The following SLC35F2 variants were observed in gnomAD, a reference collection of about 807,000 sequenced individuals.
SLC35F2 encodes queuine/queuosine transporter SLC35F2.
SLC35F2 carries 25 observed loss-of-function variants against 38.1 expected under a neutral mutation model. The observed-to-expected ratio is 0.66, with a 90% CI of 0.48 to 0.92. The LOEUF (loss-of-function observed/expected upper bound fraction) is 0.92, where lower values mean the gene tolerates loss of function less well. Ranked by LOEUF, SLC35F2 falls within the 40% of genes least tolerant of loss-of-function variation. The probability of loss-of-function intolerance (pLI) is 0.00; values close to 1 mark genes in which losing one functional copy is unlikely to be tolerated. For missense variants in SLC35F2, 409 were observed against 452.9 expected (o/e 0.90, Z 0.88); for synonymous variants, 173 against 181.7 (o/e 0.95, Z 0.38).
At chr11:107,804,871 T>G (rs545486499) in intron 5 of SLC35F2, 101 bp from the exon 6 acceptor site, 19 of 1,191,840 alleles carry the variant, frequency 1.6e-5, no homozygotes, top group Admixed American at 2.5e-5. Context: ...AGGAATTACA[T>G]GGACATTTGA....
At chr11:107,795,952 G>A (rs1239413843) in intron 7 of SLC35F2, among the ~76,000 whole-genome samples, 2 of 152,126 alleles carry the variant, frequency 1.3e-5, no homozygotes, top group African/African-American at 4.8e-5. Flanking sequence ...TGGCCAAGAT[G>A]GTGAAACCTC....
intron 3 of SLC35F2, among the ~76,000 whole-genome samples, chr11:107,807,271 C>CAAAAAA (rs201964530): frequency 4.4e-4 from 31 of 70,874 alleles, no homozygotes; most frequent in South Asian, 6.1e-4. Flanking sequence ...CCTGTCTGTA[C>CAAAAAA]AAAAAAAAAA....
At chr11:107,844,962 C>T (rs1248471495) in intron 1 of SLC35F2, among the ~76,000 whole-genome samples, 3 of 138,232 alleles carry the variant, frequency 2.2e-5, no homozygotes, top group Non-Finnish European at 3.1e-5. Context: ...GGCAACAGAG[C>T]GAGACTCCAT....
Position 107,799,544 on chromosome 11 carries a change from T to A in SLC35F2, c.939+3457A>T, listed in dbSNP as rs1203046928. On this transcript the variant is annotated intron_variant, in intron 7 of 7. Transcript: ENST00000525815. ...GCTCTCAGAAAAAAATCTGCACCCA[T>A]CAGGATGACTTCTCTGATTCACTTT... Among the ~76,000 whole-genome samples the A allele has an allele frequency of 2.0e-5, 3 of 152,170 alleles. No homozygotes were observed. In the East Asian group the frequency reaches 5.8e-4, roughly 29 times the overall value.
At chr11:107,835,755 G>C (rs1859920908) in intron 1 of SLC35F2, among the ~76,000 whole-genome samples, 1 of 151,606 alleles carries the variant, frequency 6.6e-6, no homozygotes, top group Admixed American at 6.6e-5. Context: ...GTTTTTTTTA[G>C]ATCCTAACAC....
intron 1 of SLC35F2, among the ~76,000 whole-genome samples, chr11:107,856,726 A>AGGAG (rs1221969247): frequency 7.2e-6 from 1 of 138,960 alleles, no homozygotes; most frequent in South Asian, 2.6e-4. Flanking sequence ...AGACTCCGTC[A>AGGAG]GGAGGGAGGG....
Position 107,791,639 on chromosome 11 carries a change from C to A in SLC35F2, c.*976G>T, listed in dbSNP as rs1037176168. ...CTGTAATCCTAGCACTTTCGGAGGC[C>A]GAGGTGGGCAGATCGCTTTAGCTCA... On this transcript the variant is annotated 3_prime_UTR_variant, in exon 8 of 8. Transcript: ENST00000525815. 6.6e-6 allele frequency: 1 copy of A among 152,156 alleles called. No individual in the cohort carries two copies. The highest frequency in any genetic ancestry group is 1.5e-5 in the Non-Finnish European group (1 of 68,104). 9.4% of individuals were successfully genotyped at this position (152,156 alleles called of 1,614,324 possible). A position where few individuals can be genotyped will look rare whatever the true frequency, so the allele number is the denominator to read the frequency against.
chr11:107,851,827 GTTCCCCAA>G (rs1860191904), intron 1 of SLC35F2, among the ~76,000 whole-genome samples: 1 of 152,116 alleles, frequency 6.6e-6, no homozygotes, highest in African/African-American at 2.4e-5. Flanking sequence ...AGAATCCAGA[GTTCCCCAA>G]TTCCCCAGGG....
chr11:107,850,244 G>A (rs1027873327), intron 1 of SLC35F2, among the ~76,000 whole-genome samples: 2 of 152,188 alleles, frequency 1.3e-5, no homozygotes, highest in Non-Finnish European at 2.9e-5. Flanking sequence ...ACATGTATGA[G>A]AGTGGTCATC....
chr11:107,827,482 C>T (rs1385511248), intron 1 of SLC35F2, among the ~76,000 whole-genome samples: 1 of 152,092 alleles, frequency 6.6e-6, no homozygotes, highest in Non-Finnish European at 1.5e-5. Context: ...GATGTGGTGG[C>T]TCACGCCTGT....
chr11:107,830,899 T>C (rs1343732690), intron 1 of SLC35F2, among the ~76,000 whole-genome samples: 2 of 152,062 alleles, frequency 1.3e-5, no homozygotes, highest in Non-Finnish European at 2.9e-5. Flanking sequence ...AAACATAAGA[T>C]TCCTGGCAAA....
intron 1 of SLC35F2, among the ~76,000 whole-genome samples, chr11:107,836,941 TCA>T (rs1351133433): frequency 9.2e-5 from 14 of 152,248 alleles, no homozygotes; most frequent in African/African-American, 2.6e-4. Flanking sequence ...AACAAAATAA[TCA>T]CATCAAATAA....
chr11:107,849,516 G>GT (rs1371207261), intron 1 of SLC35F2, among the ~76,000 whole-genome samples: 2 of 152,006 alleles, frequency 1.3e-5, no homozygotes, highest in Non-Finnish European at 2.9e-5. Flanking sequence ...GCAGGCACCT[G>GT]TAATTCCAGC....
chr11:107,831,069 TCCAGGATATGA>T lies in SLC35F2; in HGVS notation c.111-15115_111-15105del, dbSNP rs1166044821. Among the ~76,000 whole-genome samples the T allele has an allele frequency of 2.0e-5, 3 of 152,152 alleles. No individual in the cohort carries two copies. In the East Asian group the frequency reaches 5.8e-4, roughly 29 times the overall value. ...ACAGTGTCATATTCCTCTTTGTTTA[TCCAGGATATGA>T]ATCAATACGGGCTGGCACAATTGCT... On this transcript the variant is annotated intron_variant, in intron 1 of 7. Coordinates refer to ENST00000525815, the MANE Select transcript of SLC35F2 (RefSeq NM_017515.5).
At chr11:107,794,099 T>TTAGAC (rs1859179458) in intron 7 of SLC35F2, among the ~76,000 whole-genome samples, 1 of 137,074 alleles carries the variant, frequency 7.3e-6, no homozygotes, top group East Asian at 2.0e-4. Context: ...TTTTTTTTTT[T>TTAGAC]AGACAGAGTT....
At chr11:107,792,852 C>T in intron 7 of SLC35F2, 52 bp from the exon 8 acceptor site, 1 of 1,463,180 alleles carries the variant, frequency 6.8e-7, no homozygotes, top group Non-Finnish European at 9.0e-7. Context: ...CACATCTTTG[C>T]TGCTGGCTTT....
At chr11:107,797,528 GAAAATTA>G (rs1859239516) in intron 7 of SLC35F2, among the ~76,000 whole-genome samples, 1 of 151,624 alleles carries the variant, frequency 6.6e-6, no homozygotes. Context: ...TCGCTAAAAA[GAAAATTA>G]AAAATTAAAA....
intron 4 of SLC35F2, among the ~76,000 whole-genome samples, chr11:107,805,888 C>T (rs566844324): frequency 2.0e-5 from 3 of 152,268 alleles, no homozygotes; most frequent in South Asian, 4.2e-4. Flanking sequence ...TCAAGTGATC[C>T]GCTCACCTTG....
At chr11:107,826,159 T>C (rs1859752081) in intron 1 of SLC35F2, among the ~76,000 whole-genome samples, 1 of 152,166 alleles carries the variant, frequency 6.6e-6, no homozygotes, top group South Asian at 2.1e-4. Flanking sequence ...TTATATGTAC[T>C]GTTATAAAGT....
Sources: gnomAD v4.1 joint callset for allele counts (sites outside exome capture counted in the v4.1 genomes callset) on GRCh38, gnomAD v4.1.1 for gene constraint, MANE v1.5 for transcripts, NCBI Gene and HGNC (gene_info 2026-07-23, HGNC 2026-07-21) for gene names.